SYT12: variants seen among roughly 807,000 people sequenced by gnomAD.
SYT12 encodes synaptotagmin-12.
SYT12 carries 27 observed loss-of-function variants against 39.5 expected under a neutral mutation model. That is an observed-to-expected ratio of 0.68 (90% CI 0.50 to 0.94). SYT12 has a LOEUF of 0.94. Among genes scored for constraint, SYT12 ranks in the 40% least tolerant of loss-of-function variants. The probability of loss-of-function intolerance (pLI) is 0.00; values close to 1 mark genes in which losing one functional copy is unlikely to be tolerated. For missense variants in SYT12, 536 were observed against 572.6 expected (o/e 0.94, Z 0.65); for synonymous variants, 233 against 239.7 (o/e 0.97, Z 0.26).
chr11:67,041,118 A>G (rs776255739), intron 4 of SYT12, among the ~76,000 whole-genome samples: 4 of 151,530 alleles, frequency 2.6e-5, no homozygotes, highest in Non-Finnish European at 5.9e-5. Flanking sequence ...TGAGGCTGCA[A>G]TGAGCCACGA....
intron 1 of SYT12, chr11:67,029,842 A>T (rs1565333228): frequency 8.3e-6 from 3 of 361,946 alleles, no homozygotes; most frequent in Admixed American, 9.3e-5. Flanking sequence ...ACAAAGAGAG[A>T]CTCCATCTGA....
chr11:67,048,425 C>T (rs191997847), intron 7 of SYT12, among the ~76,000 whole-genome samples, 159 bp from the exon 8 acceptor site: 32 of 152,216 alleles, frequency 2.1e-4, no homozygotes, highest in Admixed American at 4.6e-4. Flanking sequence ...TGCTGAGTGA[C>T]CTGGGGCAAG....
intron 3 of SYT12, among the ~76,000 whole-genome samples, chr11:67,014,668 G>A (rs879806577): frequency 2.0e-5 from 3 of 152,176 alleles, no homozygotes; most frequent in Non-Finnish European, 4.4e-5. Flanking sequence ...TGGGGTGGAG[G>A]TGGGGGTAGC....
chr11:67,046,692 C>G (rs1411904576), intron 7 of SYT12, among the ~76,000 whole-genome samples: 2 of 152,192 alleles, frequency 1.3e-5, no homozygotes, highest in East Asian at 3.9e-4. Context: ...TGTCCTCTGC[C>G]TCTCCCTGGG....
Position 67,045,826 on chromosome 11 carries a change from C to G in SYT12, c.1041C>G (p.Asn347Lys). ...CAGCCGTGAAGAGGGATGACCCCAA[C>G]CCGGTGTTCAACGAAGCCATGATCT... is the stretch of plus-strand genomic sequence containing the variant. ...KKTAVKRDDP[N>K]PVFNEAMIFS... Residue 347 changes from asparagine (N) to lysine (K), a missense_variant, in exon 7 of 8, where the codon AAC (asparagine) becomes AAG (lysine). Transcript: ENST00000527043. The G allele has an allele frequency of 6.2e-7, 1 of 1,613,938 alleles. No homozygotes were observed. The highest frequency in any genetic ancestry group is 1.1e-5 in the South Asian group (1 of 91,054).
chr11:67,024,529 G>T (rs530826760), intron 1 of SYT12, among the ~76,000 whole-genome samples: 1 of 152,284 alleles, frequency 6.6e-6, no homozygotes, highest in African/African-American at 2.4e-5. Context: ...CTGTAGGCTG[G>T]CAGCGCTGCC....
In SYT12 at chr11:67,023,317, C is replaced by T. The variant is rs1410127203; in HGVS notation, c.-167C>T. ...CCGGCCGAGCCCCCGGCCCGCGCCG[C>T]GCTCCTCGGAGGCGGGAGCCCGGCG... On this transcript the variant is annotated 5_prime_UTR_variant, in exon 1 of 8. Transcript: ENST00000527043. 2.0e-5 allele frequency: 3 copies of T among 148,118 alleles called. No homozygotes were observed. Among genetic ancestry groups the T allele is most frequent in the Non-Finnish European group, 4.5e-5 (3 of 66,426 alleles). 9.2% of individuals were successfully genotyped at this position (148,118 alleles called of 1,614,324 possible).
intron 2 of SYT12, among the ~76,000 whole-genome samples, chr11:67,033,776 T>G (rs10160663): frequency 0.063 from 9,527 of 152,220 alleles, 915 homozygotes; most frequent in African/African-American, 0.21. Flanking sequence ...TGGCTTCCTT[T>G]GGGGAAGCAG....
At chr11:67,008,329 T>TA (rs2136191491) in intron 1 of SYT12, among the ~76,000 whole-genome samples, 1 of 152,334 alleles carries the variant, frequency 6.6e-6, no homozygotes, top group African/African-American at 2.4e-5. Flanking sequence ...TCTTTACTAT[T>TA]ACTTGTTACT....
chr11:67,008,014 C>A (rs541314284), intron 1 of SYT12, among the ~76,000 whole-genome samples: 1 of 145,666 alleles, frequency 6.9e-6, no homozygotes, highest in South Asian at 2.2e-4. Flanking sequence ...AGTGCAATGG[C>A]CTGATCTCGG....
At chr11:67,024,048 C>G (rs1229588955) in intron 1 of SYT12, among the ~76,000 whole-genome samples, 1 of 151,566 alleles carries the variant, frequency 6.6e-6, no homozygotes, top group Non-Finnish European at 1.5e-5. Context: ...CTTGCCCAGA[C>G]TCAGGGCCTC....
intron 7 of SYT12, among the ~76,000 whole-genome samples, chr11:67,047,777 CTTTTTTTTTTTTTT>C (rs1173796349): frequency 1.3e-5 from 1 of 76,032 alleles, no homozygotes; most frequent in African/African-American, 6.3e-5. Context: ...ACCCCCATCT[CTTTTTTTTTTTTTT>C]TTTTTTTTTT....
intron 3 of SYT12, among the ~76,000 whole-genome samples, chr11:67,011,388 G>A (rs1414584938): frequency 6.6e-6 from 1 of 152,054 alleles, no homozygotes; most frequent in African/African-American, 2.4e-5. Context: ...GATTACAGGC[G>A]CGTGCCACCA....
intron 2 of SYT12, among the ~76,000 whole-genome samples, chr11:67,034,370 T>G (rs1565335758): frequency 6.6e-6 from 1 of 152,218 alleles, no homozygotes. Context: ...AAATGTCTAT[T>G]GGAGCATTTT....
At chr11:67,033,119 G>A (rs1565335170) in intron 2 of SYT12, among the ~76,000 whole-genome samples, 1 of 152,046 alleles carries the variant, frequency 6.6e-6, no homozygotes, top group African/African-American at 2.4e-5. Context: ...GCAGTGATGA[G>A]GAACTCCTCT....
At chr11:67,039,353 G>A (rs1290781725) in intron 3 of SYT12, among the ~76,000 whole-genome samples, 2 of 151,816 alleles carry the variant, frequency 1.3e-5, no homozygotes, top group African/African-American at 4.8e-5. Context: ...GCTCACGCCT[G>A]TAATCCCAGC....
chr11:67,017,713 A>G (rs1161241469), intron 3 of SYT12, among the ~76,000 whole-genome samples: 1 of 150,084 alleles, frequency 6.7e-6, no homozygotes, highest in Non-Finnish European at 1.5e-5. Context: ...TAATCCCAGC[A>G]CTTTGGGAGG....
At chr11:67,024,407 A>G (rs989971414) in intron 1 of SYT12, among the ~76,000 whole-genome samples, 1 of 152,212 alleles carries the variant, frequency 6.6e-6, no homozygotes, top group Admixed American at 6.5e-5. Flanking sequence ...CCTACTCTGA[A>G]GTCTGAAAGC....
chr11:67,040,774 C>T (rs1950498496), intron 4 of SYT12, among the ~76,000 whole-genome samples: 1 of 151,780 alleles, frequency 6.6e-6, no homozygotes, highest in Non-Finnish European at 1.5e-5. Flanking sequence ...GGAGGCAGAG[C>T]TTGCAGTGAG....
Sources: allele counts gnomAD v4.1 joint callset (sites outside exome capture counted in the v4.1 genomes callset), GRCh38; gene constraint gnomAD v4.1.1; transcripts MANE v1.5; gene names NCBI Gene and HGNC (gene_info 2026-07-23, HGNC 2026-07-21).